The following TXNDC16 variants were observed in gnomAD, a reference collection of about 807,000 sequenced individuals.
TXNDC16 encodes the protein thioredoxin domain-containing protein 16.
In TXNDC16, 74 loss-of-function variants were observed where a neutral mutation model predicts 85.6. That is an observed-to-expected ratio of 0.86 (90% confidence interval 0.72 to 1.05). TXNDC16 has a LOEUF of 1.05. Among genes scored for constraint, TXNDC16 ranks in the 50% least tolerant of loss-of-function variants. The probability of loss-of-function intolerance (pLI) is 0.00; values close to 1 mark genes in which losing one functional copy is unlikely to be tolerated. For synonymous variants in TXNDC16, 335 were observed against 326.5 expected (o/e 1.03, Z -0.28); for missense variants, 959 against 947.0 (o/e 1.01, Z -0.17).
Position 52,519,289 on chromosome 14 carries a change from G to T in TXNDC16, c.397C>A (p.Leu133Ile). 6.3e-7 allele frequency: 1 copy of T among 1,589,662 alleles called. No individual in the cohort carries two copies. The highest frequency in any genetic ancestry group is 8.6e-7 in the Non-Finnish European group (1 of 1,162,960). The change falls in exon 7 of 21, where the codon CTT becomes ATT. Residue 133 changes from leucine (L) to isoleucine (I), a missense_variant. Transcript: ENST00000281741. ...ATATATTTCACTTCACTAAAAAGAA[G>T]AGCACTGAAATAAATACAGATATAA... ...NAIVAHVLFA[L>I]LFSEVKYITN...
At chr14:52,457,976 C>T (rs2035571533) in intron 16 of TXNDC16, among the ~76,000 whole-genome samples, 1 of 152,080 alleles carries the variant, frequency 6.6e-6, no homozygotes, top group South Asian at 2.1e-4. Flanking sequence ...TAATTCAATT[C>T]ATACATGAAA....
In TXNDC16 at chr14:52,470,178, A is replaced by G; in HGVS notation, c.1482-5T>C. On this transcript the variant is annotated splice_region_variant and splice_polypyrimidine_tract_variant and intron_variant, in intron 15 of 20. Coordinates refer to ENST00000281741, the MANE Select transcript of TXNDC16 (RefSeq NM_020784.3). ...ACTGGATATGAAATCCTGTTGCTGG[A>G]TAAACATATAACTATATTACAAATT... 1 of 1,588,162 alleles carries G rather than the reference A, an allele frequency of 6.3e-7. No homozygotes were observed. The highest frequency in any genetic ancestry group is 1.2e-5 in the South Asian group (1 of 86,742).
intron 6 of TXNDC16, among the ~76,000 whole-genome samples, chr14:52,529,679 T>TATAATGCCTATTATATATAATAC (rs2037439056): frequency 1.8e-5 from 2 of 109,884 alleles, no homozygotes; most frequent in African/African-American, 4.0e-5. Flanking sequence ...ATATATAATA[T>TATAATGCCTATTATATATAATAC]ATATAATGCC....
chr14:52,492,537 A>T (rs886589874), intron 9 of TXNDC16, among the ~76,000 whole-genome samples: 2 of 152,150 alleles, frequency 1.3e-5, no homozygotes, highest in African/African-American at 4.8e-5. Flanking sequence ...ATGTGTGAGA[A>T]TCTGCAACAG....
At chr14:52,546,126 G>A (rs553513550) in intron 1 of TXNDC16, among the ~76,000 whole-genome samples, 2 of 151,756 alleles carry the variant, frequency 1.3e-5, no homozygotes, top group South Asian at 2.1e-4. Context: ...TCTATAAAAA[G>A]TAAGAAAAAA....
intron 9 of TXNDC16, among the ~76,000 whole-genome samples, chr14:52,494,159 A>G (rs2036479247): frequency 6.6e-6 from 1 of 151,988 alleles, no homozygotes; most frequent in South Asian, 2.1e-4. Context: ...ATATATATAT[A>G]AAGTACTCAA....
rs749976262 is a variant in TXNDC16 at position 52,432,348 on chromosome 14, A to T, written c.2434T>A (p.Ser812Thr). ...RSNWFKEAEK[S>T]FRRDKELGCS... is the part of the protein sequence containing the mutation. The stretch of plus-strand genomic sequence containing the variant: ...CCTAACTCTTTATCACGTCTAAATG[A>T]TTTTTCTGCTTCTTTAAACCAATTA... Residue 812 changes from serine to threonine, a missense_variant, in exon 21 of 21, where the codon TCA becomes ACA. Transcript: ENST00000281741. 6.2e-7 allele frequency: 1 copy of T among 1,613,546 alleles called. No homozygotes were observed. Among genetic ancestry groups the T allele is most frequent in the Admixed American group, 1.7e-5 (1 of 59,934 alleles).
intron 9 of TXNDC16, among the ~76,000 whole-genome samples, chr14:52,507,170 G>A (rs1204109431): frequency 6.6e-6 from 1 of 152,150 alleles, no homozygotes; most frequent in African/African-American, 2.4e-5. Context: ...AAACCCCATT[G>A]TCTCAGCCCA....
intron 9 of TXNDC16, among the ~76,000 whole-genome samples, chr14:52,504,788 G>A (rs1236894376): frequency 2.6e-5 from 4 of 152,150 alleles, no homozygotes; most frequent in African/African-American, 9.7e-5. Flanking sequence ...ATTGGATAAA[G>A]AGTCAAGACC....
At chr14:52,486,136 G>T (rs1023044165) in intron 12 of TXNDC16, among the ~76,000 whole-genome samples, 1 of 151,498 alleles carries the variant, frequency 6.6e-6, no homozygotes, top group Non-Finnish European at 1.5e-5. Flanking sequence ...TCATTTTCCT[G>T]TCAGTCTTCT....
intron 6 of TXNDC16, among the ~76,000 whole-genome samples, chr14:52,525,740 AT>A (rs1328853666): frequency 0.047 from 5,223 of 110,514 alleles, 132 homozygotes; most frequent in East Asian, 0.085. Context: ...AATAATAATA[AT>A]AATAAATAAA....
intron 20 of TXNDC16, among the ~76,000 whole-genome samples, chr14:52,437,589 CA>C (rs1376796512): frequency 6.6e-6 from 1 of 151,748 alleles, no homozygotes; most frequent in East Asian, 1.9e-4. Context: ...TTCTTCACAG[CA>C]AAGGAAACAA....
intron 5 of TXNDC16, 82 bp downstream of exon 5, chr14:52,537,517 T>C: frequency 3.8e-6 from 4 of 1,051,674 alleles, no homozygotes; most frequent in Non-Finnish European, 5.7e-6. Flanking sequence ...GACTTTATTC[T>C]AGCTCAGTGA....
chr14:52,512,762 A>T lies in TXNDC16; in HGVS notation c.606-1372T>A, dbSNP rs117476939. On this transcript the variant is annotated intron_variant, in intron 8 of 20. Transcript: ENST00000281741. The stretch of plus-strand genomic sequence containing the variant: ...GAGAAAAGTCAGAGAATAAATGTAG[A>T]CACCCAAACAGCAAGCGTTCAGGGA... 5.6e-4 allele frequency among the ~76,000 whole-genome samples: 86 copies of T among 152,308 alleles called. 1 individual carries two copies. The East Asian group carries it at 0.015, about 26-fold the overall frequency.
At chr14:52,507,554 G>A (rs1462953292) in intron 9 of TXNDC16, among the ~76,000 whole-genome samples, 2 of 152,108 alleles carry the variant, frequency 1.3e-5, no homozygotes, top group Non-Finnish European at 2.9e-5. Context: ...CACAGAATTG[G>A]AAAAAACTAC....
At chr14:52,523,714 T>A (rs1042479078) in intron 6 of TXNDC16, among the ~76,000 whole-genome samples, 2 of 152,200 alleles carry the variant, frequency 1.3e-5, no homozygotes, top group African/African-American at 2.4e-5. Context: ...ATTCTTAGTC[T>A]TTTGTCATAA....
chr14:52,434,955 G>C (rs747407201), intron 20 of TXNDC16, among the ~76,000 whole-genome samples: 8 of 152,204 alleles, frequency 5.3e-5, no homozygotes, highest in Non-Finnish European at 1.2e-4. Context: ...AGAAAACTCA[G>C]AAGTATAACG....
At position 52,474,122 on chromosome 14, in the gene TXNDC16, A is replaced by T. The variant is rs566036927; in HGVS notation, c.1313-3442T>A. 7.0e-4 allele frequency among the ~76,000 whole-genome samples: 107 copies of T among 152,246 alleles called. 1 individual carries two copies. The highest frequency in any genetic ancestry group is 3.2e-3 in the Middle Eastern group (1 of 316). On this transcript the variant is annotated intron_variant, in intron 14 of 20. Coordinates refer to ENST00000281741, the MANE Select transcript of TXNDC16 (RefSeq NM_020784.3). ...AACTACTTTTTTATTCTACAAACAC[A>T]TACAACTCTGAGCCCTTGCATTGAG...
At chr14:52,511,487 C>T (rs2036954281) in intron 8 of TXNDC16, 97 bp from the exon 9 acceptor site, 3 of 714,222 alleles carry the variant, frequency 4.2e-6, no homozygotes, top group Non-Finnish European at 6.2e-6. Flanking sequence ...AAGTCTCATG[C>T]TTTTGAATTA....
Sources: allele counts gnomAD v4.1 joint callset (sites outside exome capture counted in the v4.1 genomes callset), GRCh38; gene constraint gnomAD v4.1.1; transcripts MANE v1.5; gene names NCBI Gene and HGNC (gene_info 2026-07-23, HGNC 2026-07-21).